The following CSNK1G1 variants were observed in gnomAD, a reference collection of about 807,000 sequenced individuals.
The protein encoded by CSNK1G1 is casein kinase 1 gamma 1, also known as casein kinase I isoform gamma-1.
A neutral mutation model predicts 59.6 loss-of-function variants in CSNK1G1; 22 were observed. The observed-to-expected ratio is 0.37, with a 90% CI of 0.26 to 0.53. The LOEUF (loss-of-function observed/expected upper bound fraction) is 0.53, where lower values mean the gene tolerates loss of function less well. CSNK1G1 is among the 20% of genes least tolerant of loss of function. The pLI, the probability that CSNK1G1 is intolerant of heterozygous loss-of-function variation, is 0.89. For synonymous variants in CSNK1G1, 179 were observed against 177.1 expected, an observed-to-expected ratio of 1.01 and a Z score of -0.08; for missense variants, 384 against 519.5, an observed-to-expected ratio of 0.74 and a Z score of 2.54.
At chr15:64,189,465 T>C (rs1268705065) in intron 10 of CSNK1G1, 3 of 1,283,308 alleles carry the variant, frequency 2.3e-6, no homozygotes, top group Non-Finnish European at 3.0e-6. Flanking sequence ...TGCTCAGCTG[T>C]AACAGTCCTA....
At position 64,348,792 on chromosome 15, in the gene CSNK1G1, A is replaced by T. The variant is rs1596306584; in HGVS notation, c.-225+7196T>A. 2.6e-5 allele frequency among the ~76,000 whole-genome samples: 4 copies of T among 152,294 alleles called. No individual in the cohort carries two copies. In the South Asian group the frequency reaches 8.3e-4, roughly 32 times the overall value. Reference sequence around the variant, plus strand: ...ACCAAAAAAAGGAAGAAAAGAAAAAAATTTCACATCATTCATTATGGTCAA... The same window carrying T: ...ACCAAAAAAAGGAAGAAAAGAAAAATATTTCACATCATTCATTATGGTCAA... On this transcript the variant is annotated intron_variant, in intron 1 of 11. Transcript: ENST00000303052.
intron 2 of CSNK1G1, 104 bp downstream of exon 2, chr15:64,300,215 A>T: frequency 8.9e-7 from 1 of 1,120,978 alleles, no homozygotes; most frequent in Non-Finnish European, 1.3e-6. Flanking sequence ...GTTCTCCTTA[A>T]GAAAAATTTC....
rs142844348 is a variant in CSNK1G1, at chr15:64,244,366, T to TA, written c.292+7145dup. On this transcript the variant is annotated intron_variant, in intron 4 of 11. Transcript: ENST00000303052. ...ACACTGGTGAAGGAAACTGAAAAAT[T>TA]AAAAAAAAAAAAAAAAAAGAGTGTG... Among the ~76,000 whole-genome samples, 365 of 110,932 alleles carry TA rather than the reference T, an allele frequency of 3.3e-3. 3 individuals are homozygous for TA. Among genetic ancestry groups the TA allele is most frequent in the Middle Eastern group, 0.019 (4 of 212 alleles). 72.8% of individuals were successfully genotyped at this position (110,932 alleles called of 152,430 possible).
chr15:64,246,527 G>A (rs1439935069), intron 4 of CSNK1G1, among the ~76,000 whole-genome samples: 1 of 151,666 alleles, frequency 6.6e-6, no homozygotes, highest in Non-Finnish European at 1.5e-5. Context: ...GGAGGCTGAG[G>A]CGGGAGGATG....
chr15:64,334,307 C>T (rs1264608126), intron 1 of CSNK1G1, among the ~76,000 whole-genome samples: 3 of 152,058 alleles, frequency 2.0e-5, no homozygotes, highest in South Asian at 2.1e-4. Context: ...AGTGAGCCAC[C>T]GTGCCCAGCC....
At chr15:64,350,514 T>C (rs1008960539) in intron 1 of CSNK1G1, among the ~76,000 whole-genome samples, 4 of 151,426 alleles carry the variant, frequency 2.6e-5, no homozygotes, top group African/African-American at 9.7e-5. Flanking sequence ...AAAAAAAAAA[T>C]TGGTTTATCA....
intron 4 of CSNK1G1, among the ~76,000 whole-genome samples, chr15:64,225,508 T>A (rs1432310109): frequency 6.6e-6 from 1 of 152,096 alleles, no homozygotes; most frequent in African/African-American, 2.4e-5. Context: ...GGGCAGAATC[T>A]TGATTCTGAC....
intron 5 of CSNK1G1, among the ~76,000 whole-genome samples, chr15:64,215,307 G>T (rs1185802441): frequency 6.7e-6 from 1 of 148,594 alleles, no homozygotes; most frequent in African/African-American, 2.5e-5. Flanking sequence ...CCACCTCCTG[G>T]GTTCACGCCA....
intron 2 of CSNK1G1, among the ~76,000 whole-genome samples, chr15:64,270,058 T>C (rs1186523121): frequency 1.3e-5 from 2 of 152,196 alleles, no homozygotes; most frequent in Non-Finnish European, 2.9e-5. Flanking sequence ...TCCACCCACC[T>C]TGGCCTCCCT....
intron 1 of CSNK1G1, among the ~76,000 whole-genome samples, chr15:64,333,146 A>G (rs1222378287): frequency 1.3e-5 from 2 of 150,958 alleles, no homozygotes; most frequent in Non-Finnish European, 2.9e-5. Context: ...AATGCCAGCT[A>G]CTCGGGAGGC....
At chr15:64,237,068 A>G (rs558890460) in intron 4 of CSNK1G1, among the ~76,000 whole-genome samples, 1 of 152,342 alleles carries the variant, frequency 6.6e-6, no homozygotes, top group East Asian at 1.9e-4. Context: ...AGTGCTAAAA[A>G]ATAGGTTTAC....
intron 1 of CSNK1G1, among the ~76,000 whole-genome samples, chr15:64,352,447 CTTTTTTTT>C (rs1165768581): frequency 0.026 from 2,305 of 89,442 alleles, 37 homozygotes; most frequent in Middle Eastern, 0.083. Flanking sequence ...TTGAATTCTT[CTTTTTTTT>C]TTTTTTTTTT....
At chr15:64,187,504 TC>T (rs1325894478) in intron 10 of CSNK1G1, among the ~76,000 whole-genome samples, 1 of 152,158 alleles carries the variant, frequency 6.6e-6, no homozygotes, top group African/African-American at 2.4e-5. Flanking sequence ...CCTCAATCCA[TC>T]ATTTTAACCT....
chr15:64,204,389 T>C (rs1364676110), intron 9 of CSNK1G1, 52 bp downstream of exon 9: 22 of 1,433,752 alleles, frequency 1.5e-5, no homozygotes, highest in Non-Finnish European at 2.0e-5. Flanking sequence ...GCAGTGCTGG[T>C]TGGAGAAAGG....
At chr15:64,255,372 G>A (rs1030998602) in intron 3 of CSNK1G1, among the ~76,000 whole-genome samples, 4 of 152,002 alleles carry the variant, frequency 2.6e-5, no homozygotes, top group Non-Finnish European at 5.9e-5. Context: ...ACCACACCCC[G>A]CCTATTTGTC....
intron 2 of CSNK1G1, among the ~76,000 whole-genome samples, chr15:64,294,460 A>G (rs1472085063): frequency 6.6e-6 from 1 of 152,186 alleles, no homozygotes; most frequent in Non-Finnish European, 1.5e-5. Context: ...TTAAACCATC[A>G]TTACTGGTTA....
chr15:64,301,665 A>G (rs1895345474), intron 1 of CSNK1G1, among the ~76,000 whole-genome samples: 1 of 152,358 alleles, frequency 6.6e-6, no homozygotes, highest in Non-Finnish European at 1.5e-5. Flanking sequence ...AGGCAGGCAG[A>G]TCACCTGAGG....
intron 1 of CSNK1G1, among the ~76,000 whole-genome samples, chr15:64,341,628 A>G (rs891758553): frequency 2.0e-5 from 3 of 151,930 alleles, no homozygotes; most frequent in African/African-American, 7.3e-5. Flanking sequence ...TCGTGCCATG[A>G]CACCCAGCTA....
chr15:64,309,638 A>G (rs1232981608), intron 1 of CSNK1G1, among the ~76,000 whole-genome samples: 2 of 152,226 alleles, frequency 1.3e-5, no homozygotes, highest in African/African-American at 4.8e-5. Flanking sequence ...TAAGAAGGGC[A>G]TTGTAATTGC....
Sources: gnomAD v4.1 joint callset for allele counts (sites outside exome capture counted in the v4.1 genomes callset) on GRCh38, gnomAD v4.1.1 for gene constraint, MANE v1.5 for transcripts, NCBI Gene and HGNC (gene_info 2026-07-23, HGNC 2026-07-21) for gene names.